The following OPA1 variants were observed in gnomAD, a reference collection of about 807,000 sequenced individuals.
OPA1 encodes dynamin-like GTPase OPA1, mitochondrial.
A neutral mutation model predicts 152.9 loss-of-function variants in OPA1; 59 were observed. The ratio of observed to expected loss-of-function variants is 0.39; its 90% CI spans 0.31 to 0.48. The LOEUF (loss-of-function observed/expected upper bound fraction) is 0.48. Among genes scored for constraint, OPA1 ranks in the 20% least tolerant of loss-of-function variants. The probability of loss-of-function intolerance (pLI) is 0.96; values close to 1 mark genes in which losing one functional copy is unlikely to be tolerated. For missense variants in OPA1, 1,008 were observed against 1,216.8 expected (o/e 0.83, Z 2.55); for synonymous variants, 400 against 389.9 (o/e 1.03, Z -0.31).
rs1180219430 is a variant in OPA1, at chr3:193,628,202, TTC to T, written c.789+2006_789+2007del. Among the ~76,000 whole-genome samples, 5 of 152,260 alleles carry T rather than the reference TTC, an allele frequency of 3.3e-5. No homozygotes were observed. In the East Asian group the frequency reaches 9.6e-4, roughly 29 times the overall value. Reference sequence around the variant, plus strand: ...CTTTTTGTTGTTTTTTAATTGTTTTTTCTCTCTTATCTTCTTGAAAGTCTAAG... The same window carrying T: ...CTTTTTGTTGTTTTTTAATTGTTTTTTCTCTTATCTTCTTGAAAGTCTAAG... On this transcript the variant is annotated intron_variant, in intron 7 of 30. Transcript: ENST00000361510.
intron 1 of OPA1, among the ~76,000 whole-genome samples, chr3:193,610,906 G>T (rs1217774868): frequency 6.6e-6 from 1 of 152,254 alleles, no homozygotes; most frequent in African/African-American, 2.4e-5. Context: ...TAGGGTGGGA[G>T]TGACCCAATT....
chr3:193,594,642 C>T (rs2108763060), intron 1 of OPA1, among the ~76,000 whole-genome samples: 1 of 152,344 alleles, frequency 6.6e-6, no homozygotes, highest in African/African-American at 2.4e-5. Context: ...CCCTCCTCGA[C>T]TTCCCAAAGT....
intron 1 of OPA1, among the ~76,000 whole-genome samples, chr3:193,595,800 A>G (rs1242639683): frequency 6.7e-6 from 1 of 150,098 alleles, no homozygotes; most frequent in Non-Finnish European, 1.5e-5. Flanking sequence ...TCTTCCTTTC[A>G]TTTTTCCTGT....
intron 1 of OPA1, among the ~76,000 whole-genome samples, chr3:193,597,167 A>T (rs1725735854): frequency 6.6e-6 from 1 of 152,158 alleles, no homozygotes; most frequent in Middle Eastern, 3.2e-3. Flanking sequence ...GTTAGGTCTA[A>T]GCCTTGATGA....
At chr3:193,621,366 A>G (rs1441465386) in intron 6 of OPA1, among the ~76,000 whole-genome samples, 1 of 152,246 alleles carries the variant, frequency 6.6e-6, no homozygotes, top group Non-Finnish European at 1.5e-5. Flanking sequence ...GTCAGACAGA[A>G]TAAACATGAT....
At chr3:193,662,001 A>T (rs758250131) in intron 25 of OPA1, among the ~76,000 whole-genome samples, 3 of 152,012 alleles carry the variant, frequency 2.0e-5, no homozygotes, top group Non-Finnish European at 4.4e-5. Context: ...CATAGCTGTG[A>T]TAGAGTTTGG....
At chr3:193,649,772 T>A (rs1711938791) in intron 21 of OPA1, among the ~76,000 whole-genome samples, 1 of 152,198 alleles carries the variant, frequency 6.6e-6, no homozygotes, top group African/African-American at 2.4e-5. Flanking sequence ...CACATTTGCC[T>A]GTTTTTAATC....
At chr3:193,684,703 G>A (rs907174313) in intron 29 of OPA1, among the ~76,000 whole-genome samples, 7 of 151,842 alleles carry the variant, frequency 4.6e-5, no homozygotes, top group East Asian at 3.9e-4. Flanking sequence ...CACCCGCCTC[G>A]GCCTCCCAAA....
At chr3:193,618,767 TA>T in intron 5 of OPA1, 101 bp from the exon 6 acceptor site, 1 of 941,708 alleles carries the variant, frequency 1.1e-6, no homozygotes, top group Middle Eastern at 2.1e-4. Flanking sequence ...TGAGTTGCTC[TA>T]AAAATCCATT....
intron 11 of OPA1, 135 bp downstream of exon 11, chr3:193,638,200 G>A: frequency 2.7e-6 from 2 of 738,308 alleles, no homozygotes; most frequent in Non-Finnish European, 4.8e-6. Flanking sequence ...TCCCTAGTGT[G>A]GAAATCAGTA....
chr3:193,691,862 C>T (rs1434003143), intron 29 of OPA1: 9 of 508,276 alleles, frequency 1.8e-5, no homozygotes, highest in Non-Finnish European at 7.2e-6. Context: ...CAGTCAGTCT[C>T]TCCTCCCACT....
At chr3:193,610,782 A>G (rs955468633) in intron 1 of OPA1, among the ~76,000 whole-genome samples, 2 of 152,204 alleles carry the variant, frequency 1.3e-5, no homozygotes, top group Non-Finnish European at 2.9e-5. Flanking sequence ...GTTTGATCTC[A>G]GACTGCTGTG....
chr3:193,594,562 A>AT (rs1416072640), intron 1 of OPA1, among the ~76,000 whole-genome samples: 1 of 152,064 alleles, frequency 6.6e-6, no homozygotes, highest in African/African-American at 2.4e-5. Context: ...TAATTTTTGT[A>AT]TTTTTAGTAG....
At chr3:193,656,990 ATC>A (rs1714002390) in intron 22 of OPA1, 88 bp from the exon 23 acceptor site, 15 of 1,111,060 alleles carry the variant, frequency 1.4e-5, no homozygotes, top group Non-Finnish European at 2.0e-5. Flanking sequence ...TATTTATCAC[ATC>A]TGTTTGGCTT....
At chr3:193,604,503 A>G (rs1726923128) in intron 1 of OPA1, among the ~76,000 whole-genome samples, 1 of 152,194 alleles carries the variant, frequency 6.6e-6, no homozygotes. Context: ...TTATCCTCTC[A>G]GGTAAGAGGG....
intron 18 of OPA1, 22 bp from the exon 19 acceptor site, chr3:193,647,043 T>C (rs1424974465): frequency 4.7e-6 from 7 of 1,488,820 alleles, no homozygotes; most frequent in Non-Finnish European, 6.5e-6. Flanking sequence ...ATACTTTAGC[T>C]CTTGTTATTT....
chr3:193,614,838 C>T lies in OPA1; in HGVS notation c.148C>T (p.Leu50Phe). ...IYHSHHPTLK[L>F]QRPQLRTSFQ... ...TCATTCACATCATCCTACCTTAAAG[C>T]TTCAACGACCCCAATTAAGGACATC... Residue 50 changes from leucine (L) to phenylalanine (F), a missense_variant, in exon 2 of 31, where the codon CTT becomes TTT. Physicochemically the swap from Leu to Phe is conservative, Grantham distance 22. This residue lies in a region of OPA1 where 408 missense variants were observed against 395.1 expected (regional missense o/e 1.03). Transcript: ENST00000361510. 1 of 1,613,948 alleles carries T rather than the reference C, an allele frequency of 6.2e-7. No individual in the cohort carries two copies. Among genetic ancestry groups the T allele is most frequent in the East Asian group, 2.2e-5 (1 of 44,876 alleles).
rs181602401 is a variant in OPA1, at chr3:193,666,517, G to T, written c.2872+128G>T. 539 of 800,158 alleles carry T rather than the reference G, an allele frequency of 6.7e-4. 4 individuals are homozygous for T. In the East Asian group the frequency reaches 0.014, roughly 21 times the overall value. 49.6% of individuals were successfully genotyped at this position (800,158 alleles called of 1,614,324 possible). ...TTATTAGAAAAACTGGCCAGGTGTG[G>T]TAGCTCATGCCTGTAATCTCAGCAT... On this transcript the variant is annotated intron_variant, in intron 28 of 30. Transcript: ENST00000361510.
rs944976108 is a variant in OPA1 at position 193,642,567 on chromosome 3, T to C, written c.1150-198T>C. Among the ~76,000 whole-genome samples, 6 of 152,280 alleles carry C rather than the reference T, an allele frequency of 3.9e-5. No individual in the cohort carries two copies. The East Asian group carries it at 9.6e-4, about 24-fold the overall frequency. On this transcript the variant is annotated intron_variant, in intron 11 of 30. Transcript: ENST00000361510. ...GGGAAATCACAACATATATGACATA[T>C]ATACAAACAATACAAATACAAAATT...
Sources: gnomAD v4.1 joint callset for allele counts (sites outside exome capture counted in the v4.1 genomes callset) on GRCh38, gnomAD v4.1.1 for gene constraint, gnomAD v4.1.1 regional missense constraint, MANE v1.5 for transcripts, NCBI Gene and HGNC (gene_info 2026-07-23, HGNC 2026-07-21) for gene names.